CNTNAP2: variants seen among roughly 807,000 people sequenced by gnomAD.
CNTNAP2 encodes contactin associated protein 2.
Under a neutral mutation model 155.2 loss-of-function variants are expected in CNTNAP2, and 98 were observed. The observed-to-expected ratio is 0.63, with a 90% CI of 0.54 to 0.75. The LOEUF (loss-of-function observed/expected upper bound fraction) is 0.75, where lower values mean the gene tolerates loss of function less well. Among genes scored for constraint, CNTNAP2 ranks in the 30% least tolerant of loss-of-function variants. CNTNAP2 has a pLI of 0.00. For missense variants in CNTNAP2, 1,727 were observed against 1,688.1 expected (o/e 1.02, Z -0.40); for synonymous variants, 651 against 631.2 (o/e 1.03, Z -0.47).
intron 9 of CNTNAP2, among the ~76,000 whole-genome samples, chr7:147,358,231 T>C (rs1023682646): frequency 6.6e-6 from 1 of 152,142 alleles, no homozygotes; most frequent in African/African-American, 2.4e-5. Flanking sequence ...TATAAAAACT[T>C]TGGACATATT....
chr7:147,702,055 G>GTTTT (rs553693695), intron 13 of CNTNAP2, among the ~76,000 whole-genome samples: 56 of 111,870 alleles, frequency 5.0e-4, no homozygotes, highest in Middle Eastern at 5.2e-3. Flanking sequence ...ACTTTGGTTG[G>GTTTT]TTTTTTTTTT....
At chr7:147,098,874 GA>G (rs1217008131) in intron 4 of CNTNAP2, among the ~76,000 whole-genome samples, 1 of 152,070 alleles carries the variant, frequency 6.6e-6, no homozygotes, top group Non-Finnish European at 1.5e-5. Context: ...TGTCTTCTCT[GA>G]GCATTGAAGT....
chr7:148,276,514 T>A (rs1796872377), intron 21 of CNTNAP2, among the ~76,000 whole-genome samples: 1 of 152,204 alleles, frequency 6.6e-6, no homozygotes, highest in Non-Finnish European at 1.5e-5. Flanking sequence ...TTCCAGCTTG[T>A]CCCGTGTTTA....
At chr7:146,427,161 C>G (rs1796105980) in intron 1 of CNTNAP2, among the ~76,000 whole-genome samples, 1 of 152,108 alleles carries the variant, frequency 6.6e-6, no homozygotes. Context: ...TTTATATATG[C>G]ATCTTTAAAT....
At chr7:146,984,757 G>T (rs1375239989) in intron 3 of CNTNAP2, among the ~76,000 whole-genome samples, 1 of 152,146 alleles carries the variant, frequency 6.6e-6, no homozygotes, top group African/African-American at 2.4e-5. Flanking sequence ...GAAAGATTAG[G>T]TTTTCTTTTT....
chr7:147,489,036 T>C (rs1388374327), intron 11 of CNTNAP2, among the ~76,000 whole-genome samples: 1 of 152,226 alleles, frequency 6.6e-6, no homozygotes, highest in Admixed American at 6.5e-5. Flanking sequence ...AATCACACAA[T>C]GTGTCTCTTA....
intron 3 of CNTNAP2, among the ~76,000 whole-genome samples, chr7:146,926,698 T>C (rs1796616817): frequency 6.6e-6 from 1 of 152,124 alleles, no homozygotes; most frequent in South Asian, 2.1e-4. Context: ...TTTGTTACAG[T>C]AGGAATGATA....
chr7:146,711,693 T>TATCTTATGTATACATATATAGTACAC (rs1801075586), intron 1 of CNTNAP2, among the ~76,000 whole-genome samples: 2 of 134,326 alleles, frequency 1.5e-5, no homozygotes, highest in African/African-American at 6.7e-5. Context: ...TATATATACA[T>TATCTTATGTATACATATATAGTACAC]ATCTTATGTA....
intron 13 of CNTNAP2, among the ~76,000 whole-genome samples, chr7:147,745,748 G>C (rs963551727): frequency 1.3e-5 from 2 of 152,164 alleles, no homozygotes; most frequent in Non-Finnish European, 2.9e-5. Flanking sequence ...TGTCTGCATA[G>C]AGGACATCTG....
Position 148,135,973 on chromosome 7 carries a change from G to GAGGAAGGAAGGAAGGA in CNTNAP2, c.2555-11486_2555-11471dup, listed in dbSNP as rs1186076177. 4.2e-4 allele frequency among the ~76,000 whole-genome samples: 17 copies of GAGGAAGGAAGGAAGGA among 40,174 alleles called. 1 individual carries two copies. Among genetic ancestry groups the GAGGAAGGAAGGAAGGA allele is most frequent in the African/African-American group, 1.0e-3 (7 of 6,908 alleles). 26.4% of individuals were successfully genotyped at this position (40,174 alleles called of 152,430 possible). On this transcript the variant is annotated intron_variant, in intron 16 of 23. Transcript: ENST00000361727. ...AAACAAACCACATTGGGAAGAGAGG[G>GAGGAAGGAAGGAAGGA]AGGAAGGAAGGAAGGAAGGAAGGAA...
chr7:147,492,165 T>A (rs1176764612), intron 11 of CNTNAP2, among the ~76,000 whole-genome samples: 1 of 152,156 alleles, frequency 6.6e-6, no homozygotes, highest in African/African-American at 2.4e-5. Flanking sequence ...GATGAAACTG[T>A]TCCACCTCAG....
At chr7:148,145,866 T>A (rs1002477137) in intron 16 of CNTNAP2, among the ~76,000 whole-genome samples, 1 of 152,164 alleles carries the variant, frequency 6.6e-6, no homozygotes, top group Non-Finnish European at 1.5e-5. Flanking sequence ...GATGAGATAT[T>A]TTTCTGAAGT....
At chr7:147,842,751 C>A (rs1798774913) in intron 13 of CNTNAP2, among the ~76,000 whole-genome samples, 1 of 81,992 alleles carries the variant, frequency 1.2e-5, no homozygotes, top group Non-Finnish European at 2.4e-5. Context: ...CCTCCCCCGA[C>A]CCCACCACAG....
intron 3 of CNTNAP2, among the ~76,000 whole-genome samples, chr7:146,926,051 C>T (rs1190705350): frequency 6.6e-6 from 1 of 152,100 alleles, no homozygotes; most frequent in Non-Finnish European, 1.5e-5. Flanking sequence ...ATTTATCAAG[C>T]CTCTAGCCTT....
chr7:147,680,307 A>G (rs76753204), intron 13 of CNTNAP2, among the ~76,000 whole-genome samples: 1,678 of 151,998 alleles, frequency 0.011, 34 homozygotes, highest in African/African-American at 0.039. Context: ...ACTACTTTTC[A>G]CCTTTGTAAT....
At chr7:147,298,910 G>A (rs1199703945) in intron 8 of CNTNAP2, among the ~76,000 whole-genome samples, 2 of 152,228 alleles carry the variant, frequency 1.3e-5, no homozygotes, top group Non-Finnish European at 2.9e-5. Flanking sequence ...CAGCAAGCCA[G>A]ATTTCAGCCA....
intron 13 of CNTNAP2, among the ~76,000 whole-genome samples, chr7:147,769,373 G>A (rs2116532760): frequency 6.6e-6 from 1 of 152,076 alleles, no homozygotes; most frequent in East Asian, 1.9e-4. Context: ...CAAGGTGTCT[G>A]GAATAACTTT....
At chr7:148,341,493 C>T (rs184228682) in intron 21 of CNTNAP2, among the ~76,000 whole-genome samples, 1 of 152,164 alleles carries the variant, frequency 6.6e-6, no homozygotes, top group African/African-American at 2.4e-5. Flanking sequence ...TTGATATTGT[C>T]CCCATCAATT....
chr7:147,454,700 A>G (rs1234911127), intron 10 of CNTNAP2, among the ~76,000 whole-genome samples: 1 of 152,012 alleles, frequency 6.6e-6, no homozygotes, highest in Non-Finnish European at 1.5e-5. Flanking sequence ...CCCAGAGCCC[A>G]TTAACCTTCA....
Sources: gnomAD v4.1 joint callset for allele counts (sites outside exome capture counted in the v4.1 genomes callset) on GRCh38, gnomAD v4.1.1 for gene constraint, MANE v1.5 for transcripts, NCBI Gene and HGNC (gene_info 2026-07-23, HGNC 2026-07-21) for gene names.